The following ARID2 variants were observed in gnomAD, a reference collection of about 807,000 sequenced individuals.
ARID2 encodes AT-rich interactive domain-containing protein 2.
ARID2 carries 32 observed loss-of-function variants against 184.6 expected under a neutral mutation model. The ratio of observed to expected loss-of-function variants is 0.17; its 90% CI spans 0.13 to 0.23. The LOEUF is 0.23. ARID2 is among the 10% of genes least tolerant of loss of function. The pLI, the probability that ARID2 is intolerant of heterozygous loss-of-function variation, is 1.00. For missense variants in ARID2, 1,696 were observed against 2,197.6 expected, an observed-to-expected ratio of 0.77 and a Z score of 4.56; for synonymous variants, 836 against 772.6, an observed-to-expected ratio of 1.08 and a Z score of -1.36.
rs780172204 is a variant in ARID2 at position 45,890,080 on chromosome 12, C to T, written c.4923-1700C>T. ...AACCACCACAACAATCAATGAATAGCTTTTATGACTAGAGTAGTTAGATAG... is the reference window on the plus strand; with the variant it reads ...AACCACCACAACAATCAATGAATAGTTTTTATGACTAGAGTAGTTAGATAG... On this transcript the variant is annotated intron_variant, in intron 16 of 20. Transcript: ENST00000334344. 1.6e-4 allele frequency among the ~76,000 whole-genome samples: 25 copies of T among 152,224 alleles called. No individual in the cohort carries two copies. The Middle Eastern group carries it at 0.017, about 104-fold the overall frequency.
At position 45,839,408 on chromosome 12, in the gene ARID2, C is replaced by T. The variant is rs534904481; in HGVS notation, c.1410C>T (p.His470=). 6.2e-7 allele frequency: 1 copy of T among 1,613,966 alleles called. No homozygotes were observed. Among genetic ancestry groups the T allele is most frequent in the African/African-American group, 1.3e-5 (1 of 74,904 alleles). ...TAGCTGCGGTAAAACTCATTGAACA[C>T]CCAAGTTCCAGTCATCAAATGTTAT... The part of the protein sequence containing the change: ...DALAAVKLIE[H]PSSSHQMLSE... Residue 470 remains histidine (H), a synonymous_variant, in exon 11 of 21, where the codon CAC becomes CAT. Transcript: ENST00000334344.
chr12:45,740,745 T>C (rs1345162257), intron 3 of ARID2, among the ~76,000 whole-genome samples: 2 of 152,208 alleles, frequency 1.3e-5, no homozygotes, highest in Non-Finnish European at 2.9e-5. Flanking sequence ...TTATCTTGTA[T>C]TGCATGTAGT....
intron 3 of ARID2, among the ~76,000 whole-genome samples, chr12:45,801,194 C>T (rs376631490): frequency 4.0e-5 from 6 of 151,894 alleles, no homozygotes; most frequent in Non-Finnish European, 7.4e-5. Flanking sequence ...CGCCCGTAGT[C>T]GCAGCTACTT....
chr12:45,851,700 A>T lies in ARID2; in HGVS notation c.3577A>T (p.Thr1193Ser). ...APATVSQGNA[T>S]QLIAPAGITM... Reference sequence around the variant, plus strand: ...TGCAACTGTGAGTCAGGGAAATGCAACTCAGCTCATTGCTCCAGCAGGAAT... The same window carrying T: ...TGCAACTGTGAGTCAGGGAAATGCATCTCAGCTCATTGCTCCAGCAGGAAT... Residue 1193 changes from threonine to serine, a missense_variant, in exon 15 of 21, where the codon ACT (threonine) becomes TCT (serine). Transcript: ENST00000334344. 3 of 1,614,104 alleles carry T rather than the reference A, an allele frequency of 1.9e-6. No individual in the cohort carries two copies. Among genetic ancestry groups the T allele is most frequent in the Non-Finnish European group, 2.5e-6 (3 of 1,179,998 alleles).
At chr12:45,861,007 A>T in intron 16 of ARID2, 58 bp downstream of exon 16, 1 of 1,362,246 alleles carries the variant, frequency 7.3e-7, no homozygotes, top group Non-Finnish European at 9.6e-7. Flanking sequence ...ATGCTTTTAT[A>T]TTTAAGTTTC....
intron 3 of ARID2, among the ~76,000 whole-genome samples, chr12:45,761,532 T>C (rs1009228425): frequency 6.6e-6 from 1 of 152,208 alleles, no homozygotes; most frequent in African/African-American, 2.4e-5. Context: ...ATTTTGAGGA[T>C]AGGGTAATGT....
chr12:45,770,889 G>C (rs1176440049), intron 3 of ARID2, among the ~76,000 whole-genome samples: 1 of 152,192 alleles, frequency 6.6e-6, no homozygotes, highest in African/African-American at 2.4e-5. Flanking sequence ...TTGACTTGTA[G>C]CTTGGCTTTC....
At position 45,894,053 on chromosome 12, in the gene ARID2, G is replaced by A. The variant is rs113342300; in HGVS notation, c.5363+332G>A. 1.1e-3 allele frequency: 199 copies of A among 182,412 alleles called. 1 individual carries two copies. Among genetic ancestry groups the A allele is most frequent in the African/African-American group, 4.5e-3 (192 of 42,424 alleles). The allele number at this position is 182,412 out of a possible 1,614,324, so 11.3% of individuals were successfully genotyped here. On this transcript the variant is annotated intron_variant, in intron 20 of 20. Coordinates refer to ENST00000334344, the MANE Select transcript of ARID2 (RefSeq NM_152641.4). ...AAAGGAATTTGATCATTTGAATCACGTGGAGTCCAAATGAAATTCAGTTTG... is the reference window on the plus strand; with the variant it reads ...AAAGGAATTTGATCATTTGAATCACATGGAGTCCAAATGAAATTCAGTTTG...
chr12:45,813,032 A>G (rs1942739605), intron 4 of ARID2, among the ~76,000 whole-genome samples: 1 of 152,186 alleles, frequency 6.6e-6, no homozygotes, highest in Non-Finnish European at 1.5e-5. Flanking sequence ...GGAAGCCTAT[A>G]ATGAAAGTTA....
At chr12:45,814,420 C>G (rs1038383040) in intron 4 of ARID2, among the ~76,000 whole-genome samples, 1 of 152,164 alleles carries the variant, frequency 6.6e-6, no homozygotes, top group Non-Finnish European at 1.5e-5. Context: ...GAGACCAAGG[C>G]TGGTGGATCA....
Position 45,904,989 on chromosome 12 carries a change from G to T in ARID2, c.5419G>T (p.Ala1807Ser), listed in dbSNP as rs1944505976. 1.2e-6 allele frequency: 2 copies of T among 1,613,856 alleles called. No homozygotes were observed. Among genetic ancestry groups the T allele is most frequent in the Non-Finnish European group, 8.5e-7 (1 of 1,179,952 alleles). The change falls in exon 21 of 21, where the codon GCT becomes TCT. Residue 1807 changes from alanine (A) to serine (S), a missense_variant. This residue lies in a region of ARID2 where 69 missense variants were observed against 118.2 expected (regional missense o/e 0.58). Coordinates refer to ENST00000334344, the MANE Select transcript of ARID2 (RefSeq NM_152641.4). ...LSVLAISNMEASSTLAKCLYE... is the reference protein window; with the variant it reads ...LSVLAISNMESSSTLAKCLYE... Reference sequence around the variant, plus strand: ...AGTGCTAGCCATTAGTAACATGGAAGCTTCCTCCACCCTTGCCAAATGCCT... The same window carrying T: ...AGTGCTAGCCATTAGTAACATGGAATCTTCCTCCACCCTTGCCAAATGCCT...
At chr12:45,804,026 G>T (rs960756167) in intron 3 of ARID2, among the ~76,000 whole-genome samples, 1 of 152,164 alleles carries the variant, frequency 6.6e-6, no homozygotes, top group African/African-American at 2.4e-5. Flanking sequence ...GGAGAGAGGA[G>T]ACAGTGTCAA....
In ARID2 at chr12:45,729,742, G is replaced by C; in HGVS notation, c.-95G>C. ...ACTGAGCCCCGCCGCCGCCGGCCGA[G>C]GAATGGGCTCCGGGCTCTGGTAGGA... On this transcript the variant is annotated 5_prime_UTR_variant, in exon 1 of 21. Coordinates refer to ENST00000334344, the MANE Select transcript of ARID2 (RefSeq NM_152641.4). 7.7e-7 allele frequency: 1 copy of C among 1,291,054 alleles called. No individual in the cohort carries two copies. The highest frequency in any genetic ancestry group is 1.1e-6 in the Non-Finnish European group (1 of 931,546). The allele number at this position is 1,291,054 out of a possible 1,614,324, so 80.0% of individuals were successfully genotyped here.
intron 3 of ARID2, among the ~76,000 whole-genome samples, chr12:45,777,597 G>C (rs941063763): frequency 1.3e-5 from 2 of 151,702 alleles, no homozygotes; most frequent in Non-Finnish European, 2.9e-5. Context: ...TTATATGCAG[G>C]TTATACTACT....
At chr12:45,875,778 C>T (rs1272171036) in intron 16 of ARID2, among the ~76,000 whole-genome samples, 1 of 152,232 alleles carries the variant, frequency 6.6e-6, no homozygotes, top group African/African-American at 2.4e-5. Flanking sequence ...TTTTCTTCTG[C>T]AGCTTCTCTA....
chr12:45,832,777 A>C (rs1393816918), intron 6 of ARID2, among the ~76,000 whole-genome samples: 6 of 152,228 alleles, frequency 3.9e-5, no homozygotes, highest in African/African-American at 1.4e-4. Flanking sequence ...AAGTAATAAA[A>C]CTAAAAAATT....
intron 3 of ARID2, among the ~76,000 whole-genome samples, chr12:45,789,827 A>G (rs1462757071): frequency 1.3e-5 from 2 of 152,160 alleles, no homozygotes; most frequent in Non-Finnish European, 2.9e-5. Flanking sequence ...TTTTAAAGCT[A>G]TTTTGAAGGC....
At chr12:45,826,604 A>C (rs1418575838) in intron 6 of ARID2, among the ~76,000 whole-genome samples, 1 of 151,714 alleles carries the variant, frequency 6.6e-6, no homozygotes, top group African/African-American at 2.4e-5. Context: ...TTTTTTGTAG[A>C]GATAGAGTCT....
intron 11 of ARID2, among the ~76,000 whole-genome samples, chr12:45,846,566 A>G (rs999948904): frequency 6.6e-5 from 10 of 152,134 alleles, no homozygotes; most frequent in Admixed American, 5.9e-4. Context: ...TGTCTTGCCC[A>G]TGGGAATAAC....
Sources: allele counts gnomAD v4.1 joint callset (sites outside exome capture counted in the v4.1 genomes callset), GRCh38; gene constraint gnomAD v4.1.1; regional missense constraint gnomAD v4.1.1; transcripts MANE v1.5; gene names NCBI Gene and HGNC (gene_info 2026-07-23, HGNC 2026-07-21).